The following ARFGEF2 variants were observed in gnomAD, a reference collection of about 807,000 sequenced individuals.
ARFGEF2 encodes the protein ARF guanine nucleotide exchange factor 2, also known as brefeldin A-inhibited guanine nucleotide-exchange protein 2.
A neutral mutation model predicts 219.9 loss-of-function variants in ARFGEF2; 74 were observed. That is an observed-to-expected ratio of 0.34 (90% CI 0.28 to 0.41). The LOEUF (loss-of-function observed/expected upper bound fraction) is 0.41, where lower values mean the gene tolerates loss of function less well. Ranked by LOEUF, ARFGEF2 falls within the 10% of genes least tolerant of loss-of-function variation. ARFGEF2 has a pLI of 1.00. For synonymous variants in ARFGEF2, 733 were observed against 799.2 expected, an observed-to-expected ratio of 0.92 and a Z score of 1.40; for missense variants, 1,743 against 2,218.3, an observed-to-expected ratio of 0.79 and a Z score of 4.30.
At position 48,991,196 on chromosome 20, in the gene ARFGEF2, G is replaced by A; in HGVS notation, c.2971G>A (p.Glu991Lys). 1.2e-6 allele frequency: 2 copies of A among 1,614,222 alleles called. No homozygotes were observed. Among genetic ancestry groups the A allele is most frequent in the Non-Finnish European group, 8.5e-7 (1 of 1,180,032 alleles). Residue 991 changes from glutamate (E) to lysine (K), a missense_variant and splice_region_variant, in exon 21 of 39, where the codon GAG becomes AAG. By Grantham distance (56) the Glu-to-Lys change is moderately conservative. Coordinates refer to ENST00000371917, the MANE Select transcript of ARFGEF2 (RefSeq NM_006420.3). ...DGNYLGNSWH[E>K]ILKCISQLEL... is the part of the protein sequence containing the mutation. ...CAACTACCTTGGGAATTCCTGGCAT[G>A]AGGTACGTGTCTCTTTGAATTGCCT...
intron 3 of ARFGEF2, among the ~76,000 whole-genome samples, chr20:48,945,574 G>A (rs1035086824): frequency 6.6e-6 from 1 of 152,138 alleles, no homozygotes; most frequent in African/African-American, 2.4e-5. Flanking sequence ...TTTTAGAATG[G>A]AAGTTCTGGC....
chr20:48,954,961 T>G (rs959066696), intron 6 of ARFGEF2, among the ~76,000 whole-genome samples: 2 of 152,206 alleles, frequency 1.3e-5, no homozygotes, highest in Admixed American at 1.3e-4. Flanking sequence ...TATTAATATT[T>G]AAATACACTG....
rs1482538715 is a variant in ARFGEF2, at chr20:49,033,663, T to G, written c.*464T>G. 6.0e-6 allele frequency: 1 copy of G among 166,090 alleles called. No individual in the cohort carries two copies. Among genetic ancestry groups the G allele is most frequent in the African/African-American group, 2.4e-5 (1 of 41,764 alleles). The allele number at this position is 166,090 out of a possible 1,614,324, so 10.3% of individuals were successfully genotyped here. A position where few individuals can be genotyped will look rare whatever the true frequency, so the allele number is the denominator to read the frequency against. On this transcript the variant is annotated 3_prime_UTR_variant, in exon 39 of 39. Coordinates refer to ENST00000371917, the MANE Select transcript of ARFGEF2 (RefSeq NM_006420.3). ...TGGGTTTTCTGTTGTTTGAGTGTGT[T>G]AGAGAAATTTGAATGTTTTTGTCAG...
chr20:48,976,723 G>A (rs2091264465), intron 14 of ARFGEF2, among the ~76,000 whole-genome samples: 3 of 152,102 alleles, frequency 2.0e-5, no homozygotes, highest in African/African-American at 4.8e-5. Flanking sequence ...CAGGAGAATG[G>A]CGTGAACCTG....
intron 30 of ARFGEF2, 112 bp downstream of exon 30, chr20:49,014,072 GC>G: frequency 7.1e-7 from 1 of 1,416,964 alleles, no homozygotes. Flanking sequence ...TAAATACTGA[GC>G]AACTTAAGGT....
chr20:49,001,559 T>C (rs986654258), intron 25 of ARFGEF2, among the ~76,000 whole-genome samples: 4 of 152,210 alleles, frequency 2.6e-5, no homozygotes, highest in Non-Finnish European at 4.4e-5. Context: ...AGCTTCACAC[T>C]AAGCATGGTG....
At chr20:48,978,510 G>C (rs1387319860) in intron 14 of ARFGEF2, among the ~76,000 whole-genome samples, 1 of 152,204 alleles carries the variant, frequency 6.6e-6, no homozygotes, top group East Asian at 1.9e-4. Flanking sequence ...TGTGAAGAAA[G>C]TCATTGGTAG....
chr20:48,933,941 G>A (rs995359451), intron 1 of ARFGEF2, among the ~76,000 whole-genome samples: 44 of 152,034 alleles, frequency 2.9e-4, no homozygotes, highest in African/African-American at 8.2e-4. Flanking sequence ...CCAACATGGC[G>A]AAACCCTGTC....
At chr20:48,946,135 G>A (rs2091025055) in intron 3 of ARFGEF2, among the ~76,000 whole-genome samples, 1 of 152,154 alleles carries the variant, frequency 6.6e-6, no homozygotes, top group African/African-American at 2.4e-5. Context: ...GGCCAGCATC[G>A]GGGTAAAGTT....
At chr20:49,007,677 G>T (rs549460661) in intron 26 of ARFGEF2, among the ~76,000 whole-genome samples, 2 of 151,004 alleles carry the variant, frequency 1.3e-5, no homozygotes, top group South Asian at 2.1e-4. Context: ...TGAATAAAAG[G>T]GTACCAGAAA....
At chr20:49,023,385 A>G (rs767470061) in intron 35 of ARFGEF2, among the ~76,000 whole-genome samples, 1 of 152,174 alleles carries the variant, frequency 6.6e-6, no homozygotes, top group Non-Finnish European at 1.5e-5. Context: ...AGCAAACACT[A>G]AACATCAGGG....
At chr20:48,925,522 A>G (rs1370338837) in intron 1 of ARFGEF2, among the ~76,000 whole-genome samples, 3 of 152,166 alleles carry the variant, frequency 2.0e-5, no homozygotes, top group African/African-American at 7.2e-5. Context: ...AGGATAATCT[A>G]TTTAAAATTC....
chr20:48,941,059 C>A, intron 1 of ARFGEF2, 140 bp from the exon 2 acceptor site: 1 of 757,326 alleles, frequency 1.3e-6, no homozygotes, highest in Non-Finnish European at 2.3e-6. Context: ...ACAATTATTT[C>A]TTTCACTTCA....
At chr20:49,023,251 G>A in intron 35 of ARFGEF2, 70 bp downstream of exon 35, 2 of 1,592,714 alleles carry the variant, frequency 1.3e-6, no homozygotes, top group Non-Finnish European at 1.7e-6. Flanking sequence ...GTGGTGTGCG[G>A]AAGCCAGCTT....
rs1308938052 is a variant in ARFGEF2 at position 48,950,794 on chromosome 20, T to TA, written c.277-511dup. 4.7e-4 allele frequency among the ~76,000 whole-genome samples: 17 copies of TA among 35,926 alleles called. No homozygotes were observed. In the East Asian group the frequency reaches 5.0e-3, roughly 11 times the overall value. The allele number at this position is 35,926 out of a possible 152,430, so 23.6% of individuals were successfully genotyped here. Reference sequence around the variant, plus strand: ...CTAGGTAACAGAATAAGACCCTGTCTAAAAAAAAAAAAAAAAAATATATAT... The same window carrying TA: ...CTAGGTAACAGAATAAGACCCTGTCTAAAAAAAAAAAAAAAAAAATATATAT... On this transcript the variant is annotated intron_variant, in intron 3 of 38. Transcript: ENST00000371917.
chr20:48,991,042 G>A lies in ARFGEF2; in HGVS notation c.2817G>A (p.Leu939=), dbSNP rs751268149. The A allele has an allele frequency of 2.5e-6, 4 of 1,613,884 alleles. No individual in the cohort carries two copies. The Admixed American group carries it at 5.0e-5, about 20-fold the overall frequency. Residue 939 remains leucine, a splice_region_variant and synonymous_variant, in exon 21 of 39, where the codon CTG becomes CTA. Transcript: ENST00000371917. ...IRIACIFGMQ[L]ERDAYVQALA... ...TCTCTCTTGGGTTTCTGTTACAGCTGGAACGAGATGCCTATGTTCAGGCTC... is the reference window on the plus strand; with the variant it reads ...TCTCTCTTGGGTTTCTGTTACAGCTAGAACGAGATGCCTATGTTCAGGCTC...
chr20:48,940,009 G>A (rs766796198), intron 1 of ARFGEF2, among the ~76,000 whole-genome samples: 2 of 152,206 alleles, frequency 1.3e-5, no homozygotes, highest in Non-Finnish European at 2.9e-5. Flanking sequence ...GATAATATGT[G>A]AGTTTGTGGG....
chr20:49,029,642 A>G (rs534532453), intron 37 of ARFGEF2, among the ~76,000 whole-genome samples: 2 of 151,410 alleles, frequency 1.3e-5, no homozygotes, highest in African/African-American at 2.4e-5. Context: ...CCCAGGCTGG[A>G]GTGCAGTGGT....
chr20:48,935,947 G>C (rs1322496728), intron 1 of ARFGEF2, among the ~76,000 whole-genome samples: 4 of 139,166 alleles, frequency 2.9e-5, no homozygotes, highest in Non-Finnish European at 6.2e-5. Context: ...CGGGGGGGGG[G>C]GCTGACCCCC....
Sources: allele counts gnomAD v4.1 joint callset (sites outside exome capture counted in the v4.1 genomes callset), GRCh38; gene constraint gnomAD v4.1.1; transcripts MANE v1.5; gene names NCBI Gene and HGNC (gene_info 2026-07-23, HGNC 2026-07-21).